Variants in TOM1L2 observed in about 807,000 individuals in gnomAD.
The protein encoded by TOM1L2 is TOM1-like protein 2.
Under a neutral mutation model 67.9 loss-of-function variants are expected in TOM1L2, and 31 were observed. That is an observed-to-expected ratio of 0.46 (90% confidence interval 0.34 to 0.62). TOM1L2 has a LOEUF of 0.62. Among genes scored for constraint, TOM1L2 ranks in the 20% least tolerant of loss-of-function variants. The probability of loss-of-function intolerance (pLI) is 0.01; values close to 1 mark genes in which losing one functional copy is unlikely to be tolerated. For missense variants in TOM1L2, 606 were observed against 663.5 expected (o/e 0.91, Z 0.95); for synonymous variants, 256 against 254.0 (o/e 1.01, Z -0.07).
chr17:17,967,670 C>T (rs1285054434), intron 1 of TOM1L2, among the ~76,000 whole-genome samples: 7 of 152,178 alleles, frequency 4.6e-5, no homozygotes, highest in Non-Finnish European at 1.0e-4. Flanking sequence ...GCAAATGGCA[C>T]GATCTCGGCT....
chr17:17,864,939 A>G (rs964034176), intron 10 of TOM1L2, among the ~76,000 whole-genome samples: 3 of 152,260 alleles, frequency 2.0e-5, no homozygotes, highest in Non-Finnish European at 4.4e-5. Context: ...TAGCCACTAG[A>G]AGTTTAACTC....
At chr17:17,862,158 A>C (rs570957714) in intron 11 of TOM1L2, 1 of 153,344 alleles carries the variant, frequency 6.5e-6, no homozygotes, top group East Asian at 1.9e-4. Flanking sequence ...GAAAGGTGGG[A>C]AAAAGTGTGT....
chr17:17,941,186 T>C (rs570652629), intron 1 of TOM1L2, among the ~76,000 whole-genome samples: 1 of 152,340 alleles, frequency 6.6e-6, no homozygotes, highest in South Asian at 2.1e-4. Flanking sequence ...GAGGGGCTAC[T>C]GGCCCCCTGA....
At chr17:17,853,384 G>T (rs1038914667) in intron 12 of TOM1L2, among the ~76,000 whole-genome samples, 2 of 152,194 alleles carry the variant, frequency 1.3e-5, no homozygotes, top group Non-Finnish European at 2.9e-5. Context: ...TAAGGGGTCA[G>T]GGGCCTTAAA....
chr17:17,889,930 C>T (rs1240396210), intron 4 of TOM1L2, among the ~76,000 whole-genome samples: 1 of 152,128 alleles, frequency 6.6e-6, no homozygotes, highest in Non-Finnish European at 1.5e-5. Context: ...CTCTGGCACC[C>T]CACACTTAGC....
chr17:17,908,100 G>A (rs1410204614), intron 1 of TOM1L2, among the ~76,000 whole-genome samples: 2 of 152,174 alleles, frequency 1.3e-5, no homozygotes, highest in Admixed American at 6.5e-5. Context: ...GGGGGAGAAA[G>A]AAAGGACCAT....
chr17:17,889,711 C>T (rs1299300165), intron 4 of TOM1L2, among the ~76,000 whole-genome samples: 1 of 152,172 alleles, frequency 6.6e-6, no homozygotes, highest in Admixed American at 6.5e-5. Flanking sequence ...TAAGGCTGTA[C>T]CCCACTCCAC....
At chr17:17,968,233 C>G (rs2041937006) in intron 1 of TOM1L2, among the ~76,000 whole-genome samples, 1 of 152,170 alleles carries the variant, frequency 6.6e-6, no homozygotes, top group African/African-American at 2.4e-5. Flanking sequence ...GCCTGGCCCC[C>G]CACAGGCACT....
chr17:17,955,974 T>C (rs767580290), intron 1 of TOM1L2, among the ~76,000 whole-genome samples: 15 of 152,172 alleles, frequency 9.9e-5, no homozygotes, highest in Admixed American at 2.6e-4. Context: ...AATGGGTTCG[T>C]GGTCTGCGCC....
At chr17:17,947,599 C>T (rs914613270) in intron 1 of TOM1L2, among the ~76,000 whole-genome samples, 3 of 152,180 alleles carry the variant, frequency 2.0e-5, no homozygotes, top group African/African-American at 7.2e-5. Flanking sequence ...GGATTTTCAG[C>T]CTCCAGAACT....
chr17:17,956,093 G>A (rs1036440100), intron 1 of TOM1L2, among the ~76,000 whole-genome samples: 3 of 152,172 alleles, frequency 2.0e-5, no homozygotes, highest in Admixed American at 2.0e-4. Context: ...AAAGAACAAA[G>A]CCTCCCCCGC....
At chr17:17,861,677 C>G (rs2143708872) in intron 11 of TOM1L2, 126 bp from the exon 12 acceptor site, 1 of 806,804 alleles carries the variant, frequency 1.2e-6, no homozygotes, top group Non-Finnish European at 2.0e-6. Flanking sequence ...AAAACATTTC[C>G]TGAAACCTTG....
At chr17:17,936,660 A>G (rs1262922311) in intron 1 of TOM1L2, among the ~76,000 whole-genome samples, 1 of 152,228 alleles carries the variant, frequency 6.6e-6, no homozygotes, top group African/African-American at 2.4e-5. Flanking sequence ...AATATTATGT[A>G]GTCATTTAAT....
intron 1 of TOM1L2, among the ~76,000 whole-genome samples, chr17:17,960,298 T>A (rs2041630103): frequency 6.6e-6 from 1 of 152,214 alleles, no homozygotes; most frequent in Admixed American, 6.5e-5. Flanking sequence ...ATCCCTGCTC[T>A]GCCACTGATA....
intron 1 of TOM1L2, among the ~76,000 whole-genome samples, chr17:17,922,742 G>C (rs566556264): frequency 6.6e-6 from 1 of 152,216 alleles, no homozygotes; most frequent in Non-Finnish European, 1.5e-5. Context: ...ACATAGTGAG[G>C]GCGCAATAAA....
intron 1 of TOM1L2, among the ~76,000 whole-genome samples, chr17:17,954,067 T>C (rs2041323631): frequency 6.6e-6 from 1 of 152,238 alleles, no homozygotes; most frequent in South Asian, 2.1e-4. Flanking sequence ...TAAGTGCCAC[T>C]GCAGTTCAGA....
intron 4 of TOM1L2, 110 bp from the exon 5 acceptor site, chr17:17,884,878 C>T: frequency 1.4e-6 from 2 of 1,420,512 alleles, no homozygotes; most frequent in South Asian, 1.2e-5. Flanking sequence ...CCTACTTGCA[C>T]ATGCAAATTG....
At chr17:17,914,318 C>A (rs1239641484) in intron 1 of TOM1L2, among the ~76,000 whole-genome samples, 1 of 152,192 alleles carries the variant, frequency 6.6e-6, no homozygotes, top group Admixed American at 6.5e-5. Flanking sequence ...GTGTCCTCCC[C>A]CTTAACCTTC....
At chr17:17,950,119 C>A (rs1014157017) in intron 1 of TOM1L2, among the ~76,000 whole-genome samples, 1 of 151,966 alleles carries the variant, frequency 6.6e-6, no homozygotes, top group Non-Finnish European at 1.5e-5. Flanking sequence ...CCTCGGCCTC[C>A]CAAAGTGCTG....
Sources: allele counts gnomAD v4.1 joint callset (sites outside exome capture counted in the v4.1 genomes callset), GRCh38; gene constraint gnomAD v4.1.1; transcripts MANE v1.5; gene names NCBI Gene and HGNC (gene_info 2026-07-23, HGNC 2026-07-21).